DOCK3: variants seen among roughly 807,000 people sequenced by gnomAD.
The protein encoded by DOCK3 is dedicator of cytokinesis 3, also known as dedicator of cytokinesis protein 3.
DOCK3 carries 60 observed loss-of-function variants against 265.6 expected under a neutral mutation model. That is an observed-to-expected ratio of 0.23 (90% CI 0.18 to 0.28). The LOEUF (loss-of-function observed/expected upper bound fraction) is 0.28, where lower values mean the gene tolerates loss of function less well. DOCK3 is among the 10% of genes least tolerant of loss of function. DOCK3 has a pLI of 1.00. For missense variants in DOCK3, 1,981 were observed against 2,594.3 expected (o/e 0.76, Z 5.14); for synonymous variants, 881 against 938.0 (o/e 0.94, Z 1.11).
In DOCK3 at chr3:50,675,695, A is replaced by G. The variant is rs2033903606; in HGVS notation, c.37+395A>G. ...TTCCGCACCTGAATTGATGAGCCCG[A>G]TGGCTGTTTATTTTTGATCTGGAAC... On this transcript the variant is annotated intron_variant, in intron 1 of 52. Transcript: ENST00000266037. The surrounding 1 kb of genome is among the most constrained non-coding windows in gnomAD (Gnocchi z 6.1). 6.6e-6 allele frequency among the ~76,000 whole-genome samples: 1 copy of G among 152,216 alleles called. No homozygotes were observed. Among genetic ancestry groups the G allele is most frequent in the South Asian group, 2.1e-4 (1 of 4,836 alleles).
At chr3:51,120,196 T>A (rs924016533) in intron 9 of DOCK3, among the ~76,000 whole-genome samples, 2 of 152,216 alleles carry the variant, frequency 1.3e-5, no homozygotes, top group Non-Finnish European at 2.9e-5. Flanking sequence ...TTTCTGTTTG[T>A]TAGTTTTCCT....
chr3:51,312,127 A>G lies in DOCK3; in HGVS notation c.3093+48A>G, dbSNP rs368873552. On this transcript the variant is annotated intron_variant, in intron 29 of 52. Coordinates refer to ENST00000266037, the MANE Select transcript of DOCK3 (RefSeq NM_004947.5). ...TCACTATTATTGCAATAACCTTAGA[A>G]AGCCAAAACCAAGCTCACTTGTTTT... 46 of 1,501,148 alleles carry G rather than the reference A, an allele frequency of 3.1e-5. No homozygotes were observed. The African/African-American group carries it at 3.7e-4, about 12-fold the overall frequency. The allele number at this position is 1,501,148 out of a possible 1,614,324, so 93.0% of individuals were successfully genotyped here.
intron 22 of DOCK3, among the ~76,000 whole-genome samples, chr3:51,249,289 C>T (rs1420237026): frequency 2.1e-5 from 3 of 140,824 alleles, no homozygotes; most frequent in African/African-American, 8.0e-5. Context: ...AGTGAGGAGC[C>T]CCTCTGCCCA....
At chr3:50,807,217 G>A (rs1378046872) in intron 2 of DOCK3, among the ~76,000 whole-genome samples, 1 of 148,870 alleles carries the variant, frequency 6.7e-6, no homozygotes, top group Non-Finnish European at 1.5e-5. Context: ...AGCACCAGGT[G>A]TTTCTAGTCA....
chr3:51,212,540 G>T (rs1299142383), intron 13 of DOCK3, among the ~76,000 whole-genome samples: 1 of 151,720 alleles, frequency 6.6e-6, no homozygotes, highest in Admixed American at 6.6e-5. Context: ...TAAGTCAGTG[G>T]ATTTCTGTTT....
chr3:51,082,576 C>T (rs2082279286), intron 7 of DOCK3, among the ~76,000 whole-genome samples: 1 of 152,204 alleles, frequency 6.6e-6, no homozygotes, highest in Non-Finnish European at 1.5e-5. Flanking sequence ...GGCAGAGCCA[C>T]TGCATACCTG....
At chr3:50,745,604 C>T (rs899160230) in intron 1 of DOCK3, among the ~76,000 whole-genome samples, 9 of 152,076 alleles carry the variant, frequency 5.9e-5, no homozygotes, top group African/African-American at 7.2e-5. Context: ...TCCTTCAGAC[C>T]GAACAAAACG....
intron 12 of DOCK3, among the ~76,000 whole-genome samples, chr3:51,208,357 T>C (rs1376113281): frequency 6.6e-6 from 1 of 152,200 alleles, no homozygotes; most frequent in African/African-American, 2.4e-5. Flanking sequence ...TAATGACAGT[T>C]GTATGACAGT....
At chr3:50,834,777 ACTTAGCTTT>A (rs1308577241) in intron 2 of DOCK3, among the ~76,000 whole-genome samples, 3 of 152,276 alleles carry the variant, frequency 2.0e-5, no homozygotes, top group South Asian at 4.1e-4. Flanking sequence ...AAGAGGGAAG[ACTTAGCTTT>A]CCAAAGTGTC....
At chr3:51,305,977 C>T (rs1336642163) in intron 27 of DOCK3, among the ~76,000 whole-genome samples, 1 of 148,196 alleles carries the variant, frequency 6.7e-6, no homozygotes, top group Non-Finnish European at 1.5e-5. Context: ...GTCATTGGGA[C>T]TACATGTGCA....
At chr3:51,106,395 C>T (rs1414915839) in intron 9 of DOCK3, among the ~76,000 whole-genome samples, 1 of 152,240 alleles carries the variant, frequency 6.6e-6, no homozygotes, top group Non-Finnish European at 1.5e-5. Flanking sequence ...CCTTCCTCCA[C>T]TGCAGCCTCC....
At chr3:51,131,566 C>T (rs984013908) in intron 9 of DOCK3, among the ~76,000 whole-genome samples, 8 of 152,212 alleles carry the variant, frequency 5.3e-5, no homozygotes, top group African/African-American at 1.9e-4. Flanking sequence ...TTTTATAATT[C>T]AAACAAGTCT....
chr3:50,913,665 A>G (rs539643621), intron 4 of DOCK3, among the ~76,000 whole-genome samples: 27 of 152,228 alleles, frequency 1.8e-4, no homozygotes, highest in African/African-American at 5.1e-4. Context: ...GCTGGTTTAC[A>G]ATGATCCCTT....
chr3:51,114,126 C>T (rs1410480316), intron 9 of DOCK3, among the ~76,000 whole-genome samples: 2 of 151,398 alleles, frequency 1.3e-5, no homozygotes, highest in Non-Finnish European at 2.9e-5. Context: ...AAAAAAATGC[C>T]TGAATGATTG....
chr3:50,775,367 G>A (rs111857201), intron 1 of DOCK3, among the ~76,000 whole-genome samples: 4 of 151,840 alleles, frequency 2.6e-5, no homozygotes, highest in African/African-American at 9.7e-5. Flanking sequence ...CTGTAAATTC[G>A]TCTCCCATGG....
At chr3:50,909,744 C>T (rs1214700723) in intron 4 of DOCK3, among the ~76,000 whole-genome samples, 2 of 135,420 alleles carry the variant, frequency 1.5e-5, no homozygotes, top group Non-Finnish European at 3.1e-5. Context: ...CTCTGGATTT[C>T]TTGAATTTGA....
chr3:50,750,743 GT>G lies in DOCK3; in HGVS notation c.38-27928del, dbSNP rs60911450. Among the ~76,000 whole-genome samples, 968 of 152,326 alleles carry G rather than the reference GT, an allele frequency of 6.4e-3. 12 individuals are homozygous for G. The highest frequency in any genetic ancestry group is 0.022 in the African/African-American group (933 of 41,570). On this transcript the variant is annotated intron_variant, in intron 1 of 52. Coordinates refer to ENST00000266037, the MANE Select transcript of DOCK3 (RefSeq NM_004947.5). ...ATTGCTTTGGCATTATTCATGGCCA[GT>G]TTTGTGTGCTTTAAGCTAGATTTTC...
intron 5 of DOCK3, among the ~76,000 whole-genome samples, chr3:51,043,331 G>A (rs1258180440): frequency 6.6e-6 from 1 of 152,100 alleles, no homozygotes; most frequent in Non-Finnish European, 1.5e-5. Context: ...AACAAGCAAT[G>A]GGGAAAGGAT....
In DOCK3 at chr3:51,350,311, C is replaced by T; in HGVS notation, c.4026C>T (p.Asp1342=). The T allele has an allele frequency of 1.9e-6, 3 of 1,607,200 alleles. No individual in the cohort carries two copies. The highest frequency in any genetic ancestry group is 2.5e-6 in the Non-Finnish European group (3 of 1,178,286). Residue 1342 remains aspartate, a synonymous_variant, in exon 40 of 53, where the codon GAC becomes GAT. Transcript: ENST00000266037. ...AGAAAATGGAGGCCAGCTACTATGA[C>T]AACATTATGGAGCAGCAACGCCTGG... ...WIRKMEASYY[D]NIMEQQRLEP... is the part of the protein sequence containing the mutation.
Sources: gnomAD v4.1 joint callset for allele counts (sites outside exome capture counted in the v4.1 genomes callset) on GRCh38, gnomAD v4.1.1 for gene constraint, Gnocchi (gnomAD v3.1) non-coding constraint, MANE v1.5 for transcripts, NCBI Gene and HGNC (gene_info 2026-07-23, HGNC 2026-07-21) for gene names.